TLN2: variants seen among roughly 807,000 people sequenced by gnomAD.
TLN2 encodes the protein talin-2.
A neutral mutation model predicts 294.7 loss-of-function variants in TLN2; 118 were observed. The observed-to-expected ratio is 0.40, with a 90% CI of 0.34 to 0.47. The LOEUF is 0.47. Ranked by LOEUF, TLN2 falls within the 20% of genes least tolerant of loss-of-function variation. The probability of loss-of-function intolerance (pLI) is 0.84; values close to 1 mark genes in which losing one functional copy is unlikely to be tolerated. For missense variants in TLN2, 3,083 were observed against 3,282.2 expected, an observed-to-expected ratio of 0.94 and a Z score of 1.48; for synonymous variants, 1,431 against 1,304.5, an observed-to-expected ratio of 1.10 and a Z score of -2.09.
At chr15:62,540,185 C>G (rs1049558113) in intron 1 of TLN2, among the ~76,000 whole-genome samples, 1 of 151,740 alleles carries the variant, frequency 6.6e-6, no homozygotes, top group South Asian at 2.1e-4. Flanking sequence ...ACTAAAAATA[C>G]AAAAAATTAG....
intron 11 of TLN2, among the ~76,000 whole-genome samples, chr15:62,677,008 C>G (rs1238575474): frequency 6.6e-6 from 1 of 152,214 alleles, no homozygotes; most frequent in African/African-American, 2.4e-5. Context: ...GACTTGAATT[C>G]ACGTTTCCCT....
intron 57 of TLN2, 137 bp from the exon 58 acceptor site, chr15:62,838,719 C>G: frequency 8.6e-7 from 1 of 1,167,864 alleles, no homozygotes; most frequent in Non-Finnish European, 1.2e-6. Context: ...GATGGGTACT[C>G]TCTGGCTACA....
chr15:62,413,549 C>G (rs12441688), intron 1 of TLN2, among the ~76,000 whole-genome samples: 1 of 152,142 alleles, frequency 6.6e-6, no homozygotes. Context: ...GAGCGACCTA[C>G]GGAACACAGA....
intron 52 of TLN2, among the ~76,000 whole-genome samples, chr15:62,813,082 GGA>G (rs1357528085): frequency 2.0e-5 from 3 of 152,220 alleles, no homozygotes; most frequent in African/African-American, 7.2e-5. Context: ...TCGGAAGGAG[GGA>G]GAGTGACCAC....
chr15:62,741,748 C>CTCGCGCGTGTGTGTGTGTGTGT (rs1555495620), intron 32 of TLN2, among the ~76,000 whole-genome samples: 1 of 131,072 alleles, frequency 7.6e-6, no homozygotes, highest in East Asian at 2.4e-4. Flanking sequence ...AAAATTTGCG[C>CTCGCGCGTGTGTGTGTGTGTGT]GTGTGTGTGT....
intron 1 of TLN2, among the ~76,000 whole-genome samples, chr15:62,424,278 T>C (rs2034579639): frequency 6.6e-6 from 1 of 152,174 alleles, no homozygotes; most frequent in African/African-American, 2.4e-5. Flanking sequence ...TACCCTACGC[T>C]CCCTTTGAGG....
chr15:62,757,731 G>A (rs1048865701), intron 37 of TLN2, among the ~76,000 whole-genome samples: 3 of 152,168 alleles, frequency 2.0e-5, no homozygotes, highest in Admixed American at 6.5e-5. Flanking sequence ...GGGTTGTAAC[G>A]TGGAAAAGAT....
At chr15:62,547,394 G>C (rs1050093644) in intron 1 of TLN2, among the ~76,000 whole-genome samples, 1 of 152,108 alleles carries the variant, frequency 6.6e-6, no homozygotes, top group African/African-American at 2.4e-5. Context: ...CACACATTTT[G>C]TCATATTCAG....
chr15:62,592,970 T>C (rs2046201470), intron 2 of TLN2, among the ~76,000 whole-genome samples: 1 of 152,256 alleles, frequency 6.6e-6, no homozygotes, highest in Non-Finnish European at 1.5e-5. Context: ...CTGTGTTCCC[T>C]GAAAGCTTGT....
At chr15:62,618,710 T>C (rs1264046425) in intron 3 of TLN2, among the ~76,000 whole-genome samples, 1 of 152,240 alleles carries the variant, frequency 6.6e-6, no homozygotes, top group Non-Finnish European at 1.5e-5. Context: ...GGTGGTTGAT[T>C]CCTCAAGCCT....
intron 1 of TLN2, among the ~76,000 whole-genome samples, chr15:62,421,470 T>G (rs2034386152): frequency 6.6e-6 from 1 of 152,188 alleles, no homozygotes; most frequent in Non-Finnish European, 1.5e-5. Context: ...AAAATGAGTG[T>G]TGTTCGTGGA....
chr15:62,604,811 A>T (rs953801762), intron 2 of TLN2, among the ~76,000 whole-genome samples: 3 of 151,614 alleles, frequency 2.0e-5, no homozygotes, highest in African/African-American at 7.3e-5. Flanking sequence ...GATTTTCCAT[A>T]GATTATACAC....
intron 1 of TLN2, among the ~76,000 whole-genome samples, chr15:62,515,379 T>A (rs1197219289): frequency 6.6e-6 from 1 of 152,200 alleles, no homozygotes; most frequent in Non-Finnish European, 1.5e-5. Flanking sequence ...TCACTGGAAA[T>A]TTGCATAGTT....
At chr15:62,609,313 G>A (rs988508310) in intron 2 of TLN2, among the ~76,000 whole-genome samples, 8 of 152,134 alleles carry the variant, frequency 5.3e-5, no homozygotes, top group Non-Finnish European at 1.0e-4. Flanking sequence ...CCTACAAAAG[G>A]ATATTCTTGA....
At chr15:62,786,479 C>G (rs749631935) in intron 45 of TLN2, among the ~76,000 whole-genome samples, 6 of 152,140 alleles carry the variant, frequency 3.9e-5, no homozygotes, top group Non-Finnish European at 7.4e-5. Flanking sequence ...AAGCCTCCAG[C>G]AGCTTTGCAA....
intron 42 of TLN2, among the ~76,000 whole-genome samples, chr15:62,774,145 A>C (rs1247810605): frequency 6.6e-6 from 1 of 151,912 alleles, no homozygotes; most frequent in Non-Finnish European, 1.5e-5. Flanking sequence ...TTCTCCCTCT[A>C]CCAAAGTTGA....
At position 62,752,305 on chromosome 15, in the gene TLN2, G is replaced by A; in HGVS notation, c.4210G>A (p.Val1404Ile). 1.2e-6 allele frequency: 2 copies of A among 1,614,102 alleles called. No individual in the cohort carries two copies. Among genetic ancestry groups the A allele is most frequent in the Non-Finnish European group, 1.7e-6 (2 of 1,179,984 alleles). The change falls in exon 35 of 59, where the codon GTT becomes ATT. Residue 1404 changes from valine to isoleucine, a missense_variant and splice_region_variant. Coordinates refer to ENST00000636159, the MANE Select transcript of TLN2 (RefSeq NM_015059.3). ...ATGTTGCTGGCCGTTTGTTTTGCAG[G>A]TTCTGGGTGAATCGATGGCAGGGAT... is the stretch of plus-strand genomic sequence containing the variant. ...CIESVMENSK[V>I]LGESMAGISQ...
At chr15:62,607,290 C>A (rs1367034513) in intron 2 of TLN2, among the ~76,000 whole-genome samples, 1 of 152,162 alleles carries the variant, frequency 6.6e-6, no homozygotes, top group African/African-American at 2.4e-5. Context: ...GTCATCCTGA[C>A]AACAAGGCCT....
chr15:62,411,600 CATTGAG>C (rs1252716847), intron 1 of TLN2, among the ~76,000 whole-genome samples: 1 of 151,944 alleles, frequency 6.6e-6, no homozygotes, highest in Non-Finnish European at 1.5e-5. Flanking sequence ...GGGTTTTGCC[CATTGAG>C]GTTGAGGTTG....
Sources: allele counts gnomAD v4.1 joint callset (sites outside exome capture counted in the v4.1 genomes callset), GRCh38; gene constraint gnomAD v4.1.1; transcripts MANE v1.5; gene names NCBI Gene and HGNC (gene_info 2026-07-23, HGNC 2026-07-21).